Variants in METTL25 observed in about 807,000 individuals in gnomAD.
The protein encoded by METTL25 is probable methyltransferase-like protein 25.
Under a neutral mutation model 71.6 loss-of-function variants are expected in METTL25, and 64 were observed. The ratio of observed to expected loss-of-function variants is 0.89; its 90% confidence interval spans 0.73 to 1.10. METTL25 has a LOEUF of 1.10. Among genes scored for constraint, METTL25 ranks in the 50% least tolerant of loss-of-function variants. The pLI is 0.00. For missense variants in METTL25, 807 were observed against 707.0 expected (o/e 1.14, Z -1.60); for synonymous variants, 287 against 250.3 (o/e 1.15, Z -1.38).
chr12:82,409,436 C>T (rs2137053019), intron 5 of METTL25, among the ~76,000 whole-genome samples: 1 of 152,132 alleles, frequency 6.6e-6, no homozygotes, highest in South Asian at 2.1e-4. Flanking sequence ...TTGGAGATAA[C>T]TTTTTTGGGT....
intron 9 of METTL25, among the ~76,000 whole-genome samples, chr12:82,467,959 G>A (rs757927382): frequency 2.0e-5 from 3 of 151,830 alleles, no homozygotes; most frequent in Non-Finnish European, 2.9e-5. Context: ...GTCCCAGAAA[G>A]CCTATAGGCT....
intron 5 of METTL25, among the ~76,000 whole-genome samples, chr12:82,411,163 C>T (rs1474670935): frequency 6.6e-6 from 1 of 151,954 alleles, no homozygotes; most frequent in Non-Finnish European, 1.5e-5. Context: ...ATAATGGAAA[C>T]ACTGAAGCTA....
chr12:82,399,030 CTGAT>C lies in METTL25; in HGVS notation c.768_771del (p.Asp257LeufsTer28). The C allele has an allele frequency of 6.2e-7, 1 of 1,611,602 alleles. No homozygotes were observed. The highest frequency in any genetic ancestry group is 1.1e-5 in the South Asian group (1 of 90,844). ...GTGCAAAATAAAGTTAAAAATAAAGCTGATACTGAGGAAGTGTTTAACAACAGTC... is the reference window on the plus strand; with the variant it reads ...GTGCAAAATAAAGTTAAAAATAAAGCACTGAGGAAGTGTTTAACAACAGTC... On this transcript the variant is annotated frameshift_variant, in exon 4 of 12. Coordinates refer to ENST00000248306, the MANE Select transcript of METTL25 (RefSeq NM_032230.3). LOFTEE classifies it high-confidence loss of function.
Position 82,430,924 on chromosome 12 carries a change from G to A in METTL25, c.1311G>A (p.Met437Ile), listed in dbSNP as rs1889434500. 1.9e-6 allele frequency: 3 copies of A among 1,601,034 alleles called. No individual in the cohort carries two copies. Among genetic ancestry groups the A allele is most frequent in the Non-Finnish European group, 2.6e-6 (3 of 1,171,962 alleles). ...CTCAGGAAAAGTGGGGATTTCCAAT[G>A]TGCCACTATTTAAAGGAAGAGAGAT... ...ERTQEKWGFPMCHYLKEERWC... is the reference protein window; with the variant it reads ...ERTQEKWGFPICHYLKEERWC... Residue 437 changes from methionine (M) to isoleucine (I), a missense_variant, in exon 6 of 12, where the codon ATG becomes ATA. Transcript: ENST00000248306.
intron 1 of METTL25, among the ~76,000 whole-genome samples, chr12:82,367,508 C>G (rs962781242): frequency 6.6e-6 from 1 of 152,176 alleles, no homozygotes; most frequent in Non-Finnish European, 1.5e-5. Context: ...CATAATCCGC[C>G]AATTCCTCTT....
At chr12:82,458,418 G>A (rs1030643089) in intron 9 of METTL25, among the ~76,000 whole-genome samples, 2 of 152,114 alleles carry the variant, frequency 1.3e-5, no homozygotes, top group African/African-American at 4.8e-5. Context: ...GGAAAGACAG[G>A]CAAATACAGA....
intron 5 of METTL25, among the ~76,000 whole-genome samples, chr12:82,425,922 AT>A (rs1022776401): frequency 5.3e-5 from 8 of 152,226 alleles, no homozygotes; most frequent in Admixed American, 2.0e-4. Context: ...ATACTAAGAA[AT>A]AGGATAGAAA....
At chr12:82,408,745 T>A (rs1466804030) in intron 5 of METTL25, among the ~76,000 whole-genome samples, 1 of 152,124 alleles carries the variant, frequency 6.6e-6, no homozygotes, top group Non-Finnish European at 1.5e-5. Context: ...AGGCCTAGTA[T>A]TCCATACTAA....
In METTL25 at chr12:82,422,184, A is replaced by G. The variant is rs576091490; in HGVS notation, c.1280-8709A>G. ...GCAACCCGAATCCAGCAGCACATCA[A>G]AAAGCTTATCCACCATGATCAAGTG... On this transcript the variant is annotated intron_variant, in intron 5 of 11. Transcript: ENST00000248306. Among the ~76,000 whole-genome samples the G allele has an allele frequency of 3.0e-4, 45 of 152,314 alleles. No homozygotes were observed. In the South Asian group the frequency reaches 9.3e-3, roughly 32 times the overall value.
chr12:82,396,041 G>T (rs1403553895), intron 3 of METTL25, among the ~76,000 whole-genome samples: 1 of 151,970 alleles, frequency 6.6e-6, no homozygotes, highest in Admixed American at 6.6e-5. Context: ...ATATAATACT[G>T]TATTTTTATT....
intron 2 of METTL25, among the ~76,000 whole-genome samples, chr12:82,387,451 TAA>T (rs1885149760): frequency 6.6e-6 from 1 of 151,980 alleles, no homozygotes; most frequent in Non-Finnish European, 1.5e-5. Flanking sequence ...ATATTCAATG[TAA>T]ATTGTTTCTA....
chr12:82,402,296 A>G (rs762672450), intron 4 of METTL25, among the ~76,000 whole-genome samples: 16 of 152,132 alleles, frequency 1.1e-4, no homozygotes, highest in Non-Finnish European at 2.2e-4. Flanking sequence ...TATTTTTTAT[A>G]ACAATATTTT....
chr12:82,429,694 T>G (rs1026651490), intron 5 of METTL25, among the ~76,000 whole-genome samples: 30 of 151,674 alleles, frequency 2.0e-4, no homozygotes, highest in African/African-American at 7.3e-4. Flanking sequence ...ATGTTCAGCA[T>G]TTTTTCATAC....
intron 8 of METTL25, among the ~76,000 whole-genome samples, chr12:82,447,208 A>G (rs1362773576): frequency 6.6e-6 from 1 of 152,174 alleles, no homozygotes; most frequent in Non-Finnish European, 1.5e-5. Context: ...AATGGAAAAT[A>G]TATATACATG....
intron 9 of METTL25, among the ~76,000 whole-genome samples, chr12:82,459,303 G>A (rs956263950): frequency 6.6e-6 from 1 of 152,114 alleles, no homozygotes; most frequent in Non-Finnish European, 1.5e-5. Flanking sequence ...TTTTTAAAAA[G>A]AGCTAAAAGG....
chr12:82,370,129 G>A (rs552083541), intron 1 of METTL25, among the ~76,000 whole-genome samples: 35 of 152,304 alleles, frequency 2.3e-4, no homozygotes, highest in African/African-American at 6.7e-4. Flanking sequence ...GGATAGGGGT[G>A]AAGAAGGAGC....
At chr12:82,429,218 C>T (rs1205289781) in intron 5 of METTL25, among the ~76,000 whole-genome samples, 2 of 151,738 alleles carry the variant, frequency 1.3e-5, no homozygotes, top group Non-Finnish European at 2.9e-5. Context: ...ATACCCCTCC[C>T]AGCCTCAAGT....
At chr12:82,358,929 G>A in intron 1 of METTL25, 105 bp downstream of exon 1, 1 of 1,421,672 alleles carries the variant, frequency 7.0e-7, no homozygotes, top group Non-Finnish European at 9.6e-7. Context: ...GCGTGGCGGC[G>A]GAGGCGGGGC....
intron 5 of METTL25, among the ~76,000 whole-genome samples, chr12:82,421,034 A>C: frequency 6.6e-6 from 1 of 152,046 alleles, no homozygotes; most frequent in Admixed American, 6.6e-5. Flanking sequence ...GCTAATTTTT[A>C]AATTTTTAGT....
Sources: allele counts gnomAD v4.1 joint callset (sites outside exome capture counted in the v4.1 genomes callset), GRCh38; gene constraint gnomAD v4.1.1; transcripts MANE v1.5; gene names NCBI Gene and HGNC (gene_info 2026-07-23, HGNC 2026-07-21).